The following TENM3 variants were observed in gnomAD, a reference collection of about 807,000 sequenced individuals.
TENM3 encodes teneurin-3.
TENM3 carries 63 observed loss-of-function variants against 255.1 expected under a neutral mutation model. The ratio of observed to expected loss-of-function variants is 0.25; its 90% CI spans 0.20 to 0.30. The LOEUF (loss-of-function observed/expected upper bound fraction) is 0.30. Ranked by LOEUF, TENM3 falls within the 10% of genes least tolerant of loss-of-function variation. The pLI, the probability that TENM3 is intolerant of heterozygous loss-of-function variation, is 1.00. For missense variants in TENM3, 2,929 were observed against 3,461.1 expected (o/e 0.85, Z 3.86); for synonymous variants, 1,306 against 1,322.3 (o/e 0.99, Z 0.27).
In TENM3 at chr4:182,148,657, A is replaced by G. The variant is rs1750123364; in HGVS notation, c.-76+3903A>G. Among the ~76,000 whole-genome samples the G allele has an allele frequency of 5.9e-5, 9 of 152,210 alleles. No homozygotes were observed. In the South Asian group the frequency reaches 1.9e-3, roughly 32 times the overall value. On this transcript the variant is annotated intron_variant, in intron 1 of 2. Transcript: ENST00000512480. Reference sequence around the variant, plus strand: ...TGGATGGACCTCTTGTGCATGTGTTATAACTTTATTTCATAAGATGGTGTA... The same window carrying G: ...TGGATGGACCTCTTGTGCATGTGTTGTAACTTTATTTCATAAGATGGTGTA...
chr4:182,060,306 T>C, the TENM3 span, among the ~76,000 whole-genome samples: 1 of 152,156 alleles, frequency 6.6e-6, no homozygotes, highest in African/African-American at 2.4e-5. Flanking sequence ...CAGGGACCAA[T>C]TTCATGGAAG....
the TENM3 span, among the ~76,000 whole-genome samples, chr4:182,085,594 T>C: frequency 6.6e-6 from 1 of 152,166 alleles, no homozygotes; most frequent in Non-Finnish European, 1.5e-5. Flanking sequence ...TTTTCTTCAA[T>C]TCACACTTAA....
At chr4:182,164,693 T>G (rs991648023) in intron 1 of TENM3, among the ~76,000 whole-genome samples, 4 of 152,208 alleles carry the variant, frequency 2.6e-5, no homozygotes, top group Non-Finnish European at 5.9e-5. Flanking sequence ...CCTTGTTTGT[T>G]TTGCTCCCTT....
At chr4:181,991,329 G>A in the TENM3 span, among the ~76,000 whole-genome samples, 2 of 152,072 alleles carry the variant, frequency 1.3e-5, no homozygotes, top group Non-Finnish European at 1.5e-5. Flanking sequence ...CAGTGTTAGC[G>A]CTCAGGTTCA....
At position 182,730,284 on chromosome 4, in the gene TENM3, A is replaced by G; in HGVS notation, c.2670A>G (p.Pro890=). The G allele has an allele frequency of 6.2e-7, 1 of 1,613,860 alleles. No homozygotes were observed. ...IGVNVSFFHY[P]EYGYTITRQD... is the part of the protein sequence containing the mutation. Reference sequence around the variant, plus strand: ...TAAATGTCTCGTTTTTCCATTACCCAGAATATGGATATACTATTACCCGCC... The same window carrying G: ...TAAATGTCTCGTTTTTCCATTACCCGGAATATGGATATACTATTACCCGCC... Residue 890 remains proline, a synonymous_variant, in exon 15 of 28, where the codon CCA becomes CCG. Coordinates refer to ENST00000511685, the MANE Select transcript of TENM3 (RefSeq NM_001080477.4).
At chr4:182,685,769 T>C (rs1756523353) in intron 11 of TENM3, among the ~76,000 whole-genome samples, 3 of 152,062 alleles carry the variant, frequency 2.0e-5, no homozygotes, top group Admixed American at 2.0e-4. Context: ...TTCCTACAGT[T>C]ATCCAAGTCG....
At chr4:182,776,365 T>G (rs976399493) in intron 24 of TENM3, among the ~76,000 whole-genome samples, 7 of 152,088 alleles carry the variant, frequency 4.6e-5, no homozygotes, top group African/African-American at 1.7e-4. Flanking sequence ...TGAGTCGAGA[T>G]CGCGCCACTA....
intron 5 of TENM3, among the ~76,000 whole-genome samples, chr4:182,644,745 A>G (rs1752595350): frequency 6.6e-6 from 1 of 152,168 alleles, no homozygotes; most frequent in African/African-American, 2.4e-5. Context: ...TTGCAGAATA[A>G]TTTTTTAATT....
intron 12 of TENM3, among the ~76,000 whole-genome samples, chr4:182,696,254 T>C (rs1402267873): frequency 6.6e-6 from 1 of 152,220 alleles, no homozygotes; most frequent in Non-Finnish European, 1.5e-5. Context: ...CTACTGTTGA[T>C]AGTTTTATCA....
At chr4:182,766,569 A>T (rs1426036733) in intron 22 of TENM3, among the ~76,000 whole-genome samples, 1 of 152,128 alleles carries the variant, frequency 6.6e-6, no homozygotes, top group East Asian at 1.9e-4. Context: ...ATGACTATGA[A>T]AGGAAAGAGG....
At chr4:182,499,543 G>C (rs1177308693) in intron 3 of TENM3, among the ~76,000 whole-genome samples, 2 of 152,144 alleles carry the variant, frequency 1.3e-5, no homozygotes, top group East Asian at 3.9e-4. Context: ...AAGAAATACT[G>C]AGAAAGAGAA....
At chr4:181,549,512 C>T in the TENM3 span, among the ~76,000 whole-genome samples, 1 of 152,226 alleles carries the variant, frequency 6.6e-6, no homozygotes, top group African/African-American at 2.4e-5. Flanking sequence ...TTAGGCCAAG[C>T]TCTGTGCTCA....
At chr4:181,884,734 G>A in the TENM3 span, among the ~76,000 whole-genome samples, 2 of 151,914 alleles carry the variant, frequency 1.3e-5, no homozygotes, top group Admixed American at 1.3e-4. Flanking sequence ...TGTTCCTTGA[G>A]TTGTCAAAAT....
chr4:182,678,915 T>C (rs188808574), intron 7 of TENM3, among the ~76,000 whole-genome samples: 1 of 152,222 alleles, frequency 6.6e-6, no homozygotes, highest in Admixed American at 6.5e-5. Context: ...AAAAAGTGAA[T>C]GAGCAGAAAG....
At chr4:181,643,726 G>GA in the TENM3 span, among the ~76,000 whole-genome samples, 30 of 152,274 alleles carry the variant, frequency 2.0e-4, no homozygotes, top group East Asian at 1.4e-3. Flanking sequence ...CCGCATAAGA[G>GA]AATGTGCATG....
At chr4:182,140,688 G>C (rs572787325), upstream of TENM3, among the ~76,000 whole-genome samples, 34 of 152,236 alleles carry the variant, frequency 2.2e-4, no homozygotes, top group East Asian at 4.5e-3. Flanking sequence ...GGAGACCCTC[G>C]AGTCTGCACG....
chr4:182,265,378 A>G (rs1759179777), intron 1 of TENM3, among the ~76,000 whole-genome samples: 1 of 152,150 alleles, frequency 6.6e-6, no homozygotes. Context: ...GCTGGAGATG[A>G]GACTCCCATG....
chr4:182,527,731 T>TG (rs1169027389), intron 3 of TENM3, among the ~76,000 whole-genome samples: 10 of 137,402 alleles, frequency 7.3e-5, no homozygotes, highest in Admixed American at 2.2e-4. Flanking sequence ...TTGTTGTTTT[T>TG]GTTTTTTTTG....
chr4:182,162,916 G>A (rs1481705482), intron 1 of TENM3, among the ~76,000 whole-genome samples: 1 of 152,128 alleles, frequency 6.6e-6, no homozygotes, highest in African/African-American at 2.4e-5. Context: ...CTTTCAATAT[G>A]AACTTCGGAG....
Sources: allele counts gnomAD v4.1 joint callset (sites outside exome capture counted in the v4.1 genomes callset), GRCh38; gene constraint gnomAD v4.1.1; transcripts MANE v1.5; gene names NCBI Gene and HGNC (gene_info 2026-07-23, HGNC 2026-07-21).